TRAPPC9: variants seen among roughly 807,000 people sequenced by gnomAD.
The protein encoded by TRAPPC9 is IKK2 binding protein.
Under a neutral mutation model 124.0 loss-of-function variants are expected in TRAPPC9, and 83 were observed. The observed-to-expected ratio is 0.67, with a 90% CI of 0.56 to 0.80. The LOEUF (loss-of-function observed/expected upper bound fraction) is 0.80, where lower values mean the gene tolerates loss of function less well. TRAPPC9 is among the 30% of genes least tolerant of loss of function. TRAPPC9 has a pLI of 0.00. For missense variants in TRAPPC9, 1,302 were observed against 1,508.3 expected (o/e 0.86, Z 2.27); for synonymous variants, 638 against 617.5 (o/e 1.03, Z -0.49).
intron 17 of TRAPPC9, among the ~76,000 whole-genome samples, chr8:140,181,873 G>C (rs1052985829): frequency 6.6e-6 from 1 of 152,122 alleles, no homozygotes; most frequent in African/African-American, 2.4e-5. Context: ...TGTGGCCAGA[G>C]AAGTATCTCT....
chr8:140,332,566 A>G (rs1300043272), intron 9 of TRAPPC9, among the ~76,000 whole-genome samples: 1 of 152,218 alleles, frequency 6.6e-6, no homozygotes, highest in Non-Finnish European at 1.5e-5. Flanking sequence ...GTATCAAAAC[A>G]TTACACAGTA....
chr8:140,024,267 C>A (rs1260636968), intron 17 of TRAPPC9, among the ~76,000 whole-genome samples, 188 bp from the exon 18 acceptor site: 1 of 152,066 alleles, frequency 6.6e-6, no homozygotes, highest in Non-Finnish European at 1.5e-5. Flanking sequence ...CCGACTCACA[C>A]CCCCAGCGGG....
chr8:140,060,872 G>A (rs1302554868), intron 17 of TRAPPC9, among the ~76,000 whole-genome samples: 1 of 152,232 alleles, frequency 6.6e-6, no homozygotes, highest in African/African-American at 2.4e-5. Context: ...AGATCTTAGG[G>A]CGAAGGCCAT....
At chr8:139,732,554 G>T (rs925307275) in intron 21 of TRAPPC9, among the ~76,000 whole-genome samples, 4 of 152,242 alleles carry the variant, frequency 2.6e-5, no homozygotes, top group Non-Finnish European at 4.4e-5. Flanking sequence ...AGAGGCGAGG[G>T]CGTGGAAGGG....
chr8:139,837,337 C>G (rs1361468371), intron 21 of TRAPPC9, among the ~76,000 whole-genome samples: 1 of 152,190 alleles, frequency 6.6e-6, no homozygotes, highest in Admixed American at 6.5e-5. Context: ...GGGGCAGGGT[C>G]TTCCGGCTCC....
intron 5 of TRAPPC9, among the ~76,000 whole-genome samples, chr8:140,413,648 T>C (rs1210401927): frequency 1.4e-5 from 2 of 137,962 alleles, no homozygotes; most frequent in Non-Finnish European, 3.1e-5. Context: ...CTCCTAATGC[T>C]ATCCCTCCCC....
chr8:139,928,647 G>A (rs900594858), intron 19 of TRAPPC9, among the ~76,000 whole-genome samples: 23 of 151,638 alleles, frequency 1.5e-4, no homozygotes, highest in African/African-American at 5.3e-4. Context: ...GGGTGAGTGC[G>A]TGGCTGGGAG....
intron 21 of TRAPPC9, among the ~76,000 whole-genome samples, chr8:139,761,462 G>A (rs1047570485): frequency 6.6e-6 from 1 of 152,148 alleles, no homozygotes; most frequent in African/African-American, 2.4e-5. Context: ...AGTTCTGGGC[G>A]GGAAAGTGAT....
At chr8:140,118,083 CTA>C (rs1387247231) in intron 17 of TRAPPC9, among the ~76,000 whole-genome samples, 2 of 152,198 alleles carry the variant, frequency 1.3e-5, no homozygotes, top group Non-Finnish European at 2.9e-5. Context: ...CTCATAAACT[CTA>C]TGAGATGGTC....
chr8:140,284,147 C>A (rs746695271), intron 13 of TRAPPC9, 126 bp from the exon 14 acceptor site: 2 of 1,280,382 alleles, frequency 1.6e-6, no homozygotes, highest in South Asian at 1.2e-5. Context: ...TGCCCGGGGC[C>A]CGCCGGCGCT....
chr8:140,442,247 T>C (rs774296214), intron 2 of TRAPPC9, among the ~76,000 whole-genome samples: 1 of 152,210 alleles, frequency 6.6e-6, no homozygotes, highest in African/African-American at 2.4e-5. Flanking sequence ...AATACTCTTA[T>C]AGTTTTTCAT....
At chr8:140,092,004 G>T (rs1345461194) in intron 17 of TRAPPC9, among the ~76,000 whole-genome samples, 1 of 147,808 alleles carries the variant, frequency 6.8e-6, no homozygotes, top group Non-Finnish European at 1.5e-5. Flanking sequence ...CCAGACCTCT[G>T]CTGTCTCCTC....
chr8:139,806,171 G>A (rs1221190195), intron 21 of TRAPPC9: 9 of 152,260 alleles, frequency 5.9e-5, no homozygotes, highest in African/African-American at 1.4e-4. Flanking sequence ...TGTTCCAAGC[G>A]AGGGAGCCAG....
intron 17 of TRAPPC9, among the ~76,000 whole-genome samples, chr8:140,088,336 A>G (rs933004517): frequency 1.3e-5 from 2 of 152,214 alleles, no homozygotes; most frequent in South Asian, 2.1e-4. Flanking sequence ...GTGAAAATCT[A>G]TCACCTAAGA....
chr8:139,913,739 G>A (rs1040327255), intron 19 of TRAPPC9, among the ~76,000 whole-genome samples: 3 of 152,288 alleles, frequency 2.0e-5, no homozygotes, highest in Middle Eastern at 3.4e-3. Context: ...CCAAGAAATC[G>A]AGTGACTCAC....
intron 17 of TRAPPC9, among the ~76,000 whole-genome samples, chr8:140,197,140 C>T (rs2062689882): frequency 6.6e-6 from 1 of 151,918 alleles, no homozygotes; most frequent in Admixed American, 6.6e-5. Context: ...TGGATCAGGA[C>T]ACTAGGAAGA....
At chr8:140,081,180 G>A (rs1048220221) in intron 17 of TRAPPC9, among the ~76,000 whole-genome samples, 3 of 152,072 alleles carry the variant, frequency 2.0e-5, no homozygotes, top group African/African-American at 7.2e-5. Context: ...AGCACACTCT[G>A]CCTGGACCTC....
In TRAPPC9 at chr8:139,803,096, T is replaced by G. The variant is rs114038775; in HGVS notation, c.3056-70894A>C. On this transcript the variant is annotated intron_variant, in intron 21 of 22. Transcript: ENST00000438773. ...TGCTGCGTGCTTGTTGTGTATGTCA[T>G]TGTGTGTGCATCCATGCGTGAATGT... is the stretch of plus-strand genomic sequence containing the variant. Among the ~76,000 whole-genome samples the G allele has an allele frequency of 3.3e-5, 5 of 151,728 alleles. No individual in the cohort carries two copies. The East Asian group carries it at 9.7e-4, about 29-fold the overall frequency.
At chr8:139,805,104 T>G (rs932700977) in intron 21 of TRAPPC9, among the ~76,000 whole-genome samples, 1 of 152,128 alleles carries the variant, frequency 6.6e-6, no homozygotes, top group African/African-American at 2.4e-5. Flanking sequence ...TGCATCCCAT[T>G]GGGGTTGCAG....
Sources: gnomAD v4.1 joint callset for allele counts (sites outside exome capture counted in the v4.1 genomes callset) on GRCh38, gnomAD v4.1.1 for gene constraint, MANE v1.5 for transcripts, NCBI Gene and HGNC (gene_info 2026-07-23, HGNC 2026-07-21) for gene names.